Variants in PAX8 observed in about 807,000 individuals in gnomAD.
PAX8 encodes paired box 8, also known as paired box protein Pax-8.
A neutral mutation model predicts 52.4 loss-of-function variants in PAX8; 15 were observed. The observed-to-expected ratio is 0.29, with a 90% CI of 0.19 to 0.44. The LOEUF is 0.44. PAX8 is among the 20% of genes least tolerant of loss of function. PAX8 has a pLI of 1.00. For synonymous variants in PAX8, 284 were observed against 249.7 expected, an observed-to-expected ratio of 1.14 and a Z score of -1.29; for missense variants, 554 against 602.5, an observed-to-expected ratio of 0.92 and a Z score of 0.84.
At chr2:113,233,378 C>T (rs1367860213) in intron 9 of PAX8, among the ~76,000 whole-genome samples, 2 of 150,380 alleles carry the variant, frequency 1.3e-5, no homozygotes, top group Non-Finnish European at 3.0e-5. Flanking sequence ...AATGTAGAGC[C>T]AGTTATAAAA....
intron 10 of PAX8, chr2:113,225,985 G>A: frequency 1.0e-6 from 1 of 985,446 alleles, no homozygotes; most frequent in Non-Finnish European, 1.2e-6. Flanking sequence ...GAGGGACAGA[G>A]GAGTCAGTAT....
At position 113,242,682 on chromosome 2, in the gene PAX8, G is replaced by A. The variant is rs1280446486; in HGVS notation, c.478+8C>T. 6.2e-7 allele frequency: 1 copy of A among 1,600,264 alleles called. No individual in the cohort carries two copies. On this transcript the variant is annotated splice_region_variant and intron_variant, in intron 5 of 11. Coordinates refer to ENST00000429538, the MANE Select transcript of PAX8 (RefSeq NM_003466.4). ...CATGTGTGTGTATCCAGGTCTCTCA[G>A]CACTCACTCAGCGTGTGTCCGGGAC...
At chr2:113,253,741 C>G (rs1001843243) in intron 2 of PAX8, among the ~76,000 whole-genome samples, 3 of 152,134 alleles carry the variant, frequency 2.0e-5, no homozygotes, top group Admixed American at 6.5e-5. Flanking sequence ...TAATAACATG[C>G]TTTACCTTTC....
At chr2:113,228,958 TCACTAAA>T (rs1689738746) in intron 9 of PAX8, among the ~76,000 whole-genome samples, 1 of 152,198 alleles carries the variant, frequency 6.6e-6, no homozygotes, top group Non-Finnish European at 1.5e-5. Context: ...CAGTGTTCAT[TCACTAAA>T]TACTTACTGA....
chr2:113,242,752 G>T lies in PAX8; in HGVS notation c.416C>A (p.Pro139Gln). 6 of 1,613,892 alleles carry T rather than the reference G, an allele frequency of 3.7e-6. No individual in the cohort carries two copies. The highest frequency in any genetic ancestry group is 5.1e-6 in the Non-Finnish European group (6 of 1,179,816). ...GCAGCTGTCCATAGGGAGGTTGAAT[G>T]GTTGCTGCACTTTGGTCCGGATGAT... is the stretch of plus-strand genomic sequence containing the variant. ...NRIIRTKVQQ[P>Q]FNLPMDSCVA... is the part of the protein sequence containing the mutation. Residue 139 changes from proline (P) to glutamine (Q), a missense_variant, in exon 5 of 12, where the codon CCA becomes CAA. Pro to Gln is a moderately conservative substitution (Grantham distance 76). Around this residue, in one of 2 missense-constraint regions of PAX8, gnomAD observed 109 missense variants for 192.7 expected, o/e 0.57. Coordinates refer to ENST00000429538, the MANE Select transcript of PAX8 (RefSeq NM_003466.4).
intron 2 of PAX8, among the ~76,000 whole-genome samples, chr2:113,264,033 T>C (rs1289946797): frequency 1.3e-5 from 2 of 152,252 alleles, no homozygotes; most frequent in Non-Finnish European, 2.9e-5. Flanking sequence ...TACTATGTGC[T>C]AGATATTGTT....
chr2:113,242,197 G>C (rs1482054108), intron 5 of PAX8, 67 bp from the exon 6 acceptor site: 2 of 1,483,836 alleles, frequency 1.3e-6, no homozygotes, highest in East Asian at 2.3e-5. Context: ...GGGTGACTCT[G>C]GGGTAGTTAC....
chr2:113,239,970 A>G (rs1030698544), intron 7 of PAX8: 1 of 152,216 alleles, frequency 6.6e-6, no homozygotes, highest in African/African-American at 2.4e-5. Context: ...CCATGTTCAT[A>G]TGCCAGCATG....
At chr2:113,244,984 G>A (rs1365655560) in intron 3 of PAX8, among the ~76,000 whole-genome samples, 1 of 152,124 alleles carries the variant, frequency 6.6e-6, no homozygotes, top group Admixed American at 6.5e-5. Flanking sequence ...GTGAATGACA[G>A]GGGCACAGCA....
At chr2:113,277,506 G>T (rs1049284720) in intron 2 of PAX8, among the ~76,000 whole-genome samples, 1 of 152,300 alleles carries the variant, frequency 6.6e-6, no homozygotes, top group Admixed American at 6.5e-5. Flanking sequence ...ATAGCGATGC[G>T]CCCTGGCCCC....
At chr2:113,223,663 A>G (rs1244865105) in intron 10 of PAX8, among the ~76,000 whole-genome samples, 1 of 152,208 alleles carries the variant, frequency 6.6e-6, no homozygotes, top group Admixed American at 6.5e-5. Flanking sequence ...CTGACAGCCC[A>G]ATCTAAAGTA....
chr2:113,236,481 C>T (rs1690348488), intron 8 of PAX8, 120 bp downstream of exon 8: 5 of 1,231,020 alleles, frequency 4.1e-6, no homozygotes, highest in Non-Finnish European at 5.5e-6. Flanking sequence ...CACCTGGCGG[C>T]CCGGCCGGCA....
Position 113,218,615 on chromosome 2 carries a change from C to G in PAX8, c.1277-6G>C. Reference sequence around the variant, plus strand: ...ACTGTAATAATATGGGGAACCTGGACACATTAAAAAAAAATAACAACAACA... The same window carrying G: ...ACTGTAATAATATGGGGAACCTGGAGACATTAAAAAAAAATAACAACAACA... On this transcript the variant is annotated splice_polypyrimidine_tract_variant and splice_region_variant and intron_variant, in intron 11 of 11. Coordinates refer to ENST00000429538, the MANE Select transcript of PAX8 (RefSeq NM_003466.4). 1.3e-6 allele frequency: 2 copies of G among 1,544,548 alleles called. No individual in the cohort carries two copies. The highest frequency in any genetic ancestry group is 1.8e-6 in the Non-Finnish European group (2 of 1,140,450).
intron 9 of PAX8, 99 bp from the exon 10 acceptor site, chr2:113,227,355 C>T: frequency 4.1e-6 from 4 of 982,020 alleles, no homozygotes; most frequent in South Asian, 1.5e-5. Context: ...CCATTCCCAC[C>T]CTCTCTACAG....
At chr2:113,255,264 AGGGGAGGAGGGAG>A (rs1558737433) in intron 2 of PAX8, 1 of 11,790 alleles carries the variant, frequency 8.5e-5, no homozygotes, top group African/African-American at 6.7e-4. Flanking sequence ...GGGAGGAGGG[AGGGGAGGAGGGAG>A]GGGAGGAGGG....
At chr2:113,231,991 G>A (rs889912053) in intron 9 of PAX8, among the ~76,000 whole-genome samples, 9 of 152,222 alleles carry the variant, frequency 5.9e-5, no homozygotes, top group Non-Finnish European at 1.3e-4. Flanking sequence ...GCCTCCCAAA[G>A]TGCTGGGATT....
intron 4 of PAX8, among the ~76,000 whole-genome samples, chr2:113,243,595 T>C (rs997761612): frequency 6.6e-6 from 1 of 152,216 alleles, no homozygotes; most frequent in Non-Finnish European, 1.5e-5. Context: ...TTTCACCATG[T>C]TGGCCAGGTT....
chr2:113,262,473 C>A (rs1002731398), intron 2 of PAX8, among the ~76,000 whole-genome samples: 1 of 152,154 alleles, frequency 6.6e-6, no homozygotes, highest in Non-Finnish European at 1.5e-5. Context: ...GCTTCTGCAG[C>A]GGTGTTGCTC....
At chr2:113,242,840 C>G in intron 4 of PAX8, 62 bp from the exon 5 acceptor site, 1 of 1,338,464 alleles carries the variant, frequency 7.5e-7, no homozygotes, top group Non-Finnish European at 1.1e-6. Flanking sequence ...CATGGCTGCC[C>G]CAGACCCAGT....
Sources: gnomAD v4.1 joint callset for allele counts (sites outside exome capture counted in the v4.1 genomes callset) on GRCh38, gnomAD v4.1.1 for gene constraint, gnomAD v4.1.1 regional missense constraint, MANE v1.5 for transcripts, NCBI Gene and HGNC (gene_info 2026-07-23, HGNC 2026-07-21) for gene names.